SLC25A48: variants seen among roughly 807,000 people sequenced by gnomAD.
SLC25A48 encodes the protein solute carrier family 25 member 48.
Under a neutral mutation model 32.2 loss-of-function variants are expected in SLC25A48, and 29 were observed. The observed-to-expected ratio is 0.90, with a 90% CI of 0.67 to 1.23. The LOEUF (loss-of-function observed/expected upper bound fraction) is 1.23. Ranked by LOEUF, SLC25A48 falls within the 50% of genes most tolerant of loss-of-function variation. The pLI is 0.00. For synonymous variants in SLC25A48, 164 were observed against 172.3 expected (o/e 0.95, Z 0.38); for missense variants, 399 against 422.7 (o/e 0.94, Z 0.49).
In SLC25A48 at chr5:135,604,839, GA is replaced by G. The variant is rs59446160; in HGVS notation, c.-848-24397del. Among the ~76,000 whole-genome samples, 56 of 152,298 alleles carry G rather than the reference GA, an allele frequency of 3.7e-4. No individual in the cohort carries two copies. The East Asian group carries it at 8.3e-3, about 23-fold the overall frequency. ...GTCAAGAGCATGGTCTTTGGAGTCAGACTGCCAGGCGTGAACTCCAGCTCTG... is the reference window on the plus strand; with the variant it reads ...GTCAAGAGCATGGTCTTTGGAGTCAGCTGCCAGGCGTGAACTCCAGCTCTG... On this transcript the variant is annotated intron_variant, in intron 1 of 10. Coordinates refer to the SLC25A48 transcript ENST00000646290.
chr5:135,799,423 G>A (rs931576730), intron 3 of SLC25A48, among the ~76,000 whole-genome samples: 2 of 151,130 alleles, frequency 1.3e-5, no homozygotes, highest in South Asian at 2.1e-4. Context: ...TCTAATGCCC[G>A]GTGGGGGGAG....
chr5:135,615,089 C>T (rs1272859957), intron 1 of SLC25A48, among the ~76,000 whole-genome samples: 2 of 152,158 alleles, frequency 1.3e-5, no homozygotes, highest in Admixed American at 6.5e-5. Context: ...TACCCAGTCT[C>T]AGTTATTTCT....
chr5:135,677,826 C>T (rs1753806050), intron 3 of SLC25A48, among the ~76,000 whole-genome samples: 1 of 152,148 alleles, frequency 6.6e-6, no homozygotes, highest in Admixed American at 6.5e-5. Context: ...TCTTTCAGCA[C>T]TTTGACTATG....
At chr5:135,730,629 A>G (rs1287873025) in intron 3 of SLC25A48, among the ~76,000 whole-genome samples, 1 of 152,246 alleles carries the variant, frequency 6.6e-6, no homozygotes, top group Non-Finnish European at 1.5e-5. Flanking sequence ...ATGTGGAAGC[A>G]ACTTTGGAAC....
At chr5:135,585,899 T>G (rs1339319390) in intron 1 of SLC25A48, among the ~76,000 whole-genome samples, 1 of 152,238 alleles carries the variant, frequency 6.6e-6, no homozygotes, top group Non-Finnish European at 1.5e-5. Context: ...TTATGATTAT[T>G]AAATCTCGTA....
chr5:135,783,240 T>C (rs1220620305), intron 3 of SLC25A48, among the ~76,000 whole-genome samples: 2,978 of 92,858 alleles, frequency 0.032, 41 homozygotes, highest in Middle Eastern at 0.038. Flanking sequence ...CAATATCGCA[T>C]GAGGCATACA....
Position 135,888,259 on chromosome 5 carries a change from G to A in SLC25A48, c.*235G>A, listed in dbSNP as rs1157149672. 1.7e-5 allele frequency: 9 copies of A among 538,120 alleles called. No homozygotes were observed. The highest frequency in any genetic ancestry group is 2.6e-5 in the Non-Finnish European group (8 of 307,806). 33.3% of individuals were successfully genotyped at this position (538,120 alleles called of 1,614,324 possible). A position where few individuals can be genotyped will look rare whatever the true frequency, so the allele number is the denominator to read the frequency against. On this transcript the variant is annotated 3_prime_UTR_variant, in exon 8 of 8. Coordinates refer to ENST00000681962, the MANE Select transcript of SLC25A48 (RefSeq NM_001349336.2). The stretch of plus-strand genomic sequence containing the variant: ...TCCCCAATGCCCACTCTGCTAGGCT[G>A]GCATCAAAGAGCTTTCCAAGAAATG...
intron 3 of SLC25A48, among the ~76,000 whole-genome samples, chr5:135,757,643 AC>A (rs1251606482): frequency 3.3e-5 from 5 of 149,668 alleles, no homozygotes; most frequent in Admixed American, 2.0e-4. Flanking sequence ...ATTAATAAAA[AC>A]ATCTAGATGA....
chr5:135,888,083 G>A lies in SLC25A48; in HGVS notation c.*59G>A. Reference sequence around the variant, plus strand: ...TTCCCTGGGCCTCATCTCTGCATGTGAAGCCCTGAGAGCTGCAGATGTTTG... The same window carrying A: ...TTCCCTGGGCCTCATCTCTGCATGTAAAGCCCTGAGAGCTGCAGATGTTTG... On this transcript the variant is annotated 3_prime_UTR_variant, in exon 8 of 8. Transcript: ENST00000681962. 6.4e-7 allele frequency: 1 copy of A among 1,551,606 alleles called. No homozygotes were observed. The highest frequency in any genetic ancestry group is 8.7e-7 in the Non-Finnish European group (1 of 1,146,824).
chr5:135,636,358 G>T (rs1260198362), intron 3 of SLC25A48, among the ~76,000 whole-genome samples: 1 of 152,120 alleles, frequency 6.6e-6, no homozygotes, highest in Non-Finnish European at 1.5e-5. Flanking sequence ...ATGAGAGAGG[G>T]GCAGAGAATG....
chr5:135,706,321 C>G (rs991630630), intron 3 of SLC25A48, among the ~76,000 whole-genome samples: 3 of 152,172 alleles, frequency 2.0e-5, no homozygotes, highest in Non-Finnish European at 4.4e-5. Context: ...AGGTACCATA[C>G]AGCAAGAGCA....
intron 1 of SLC25A48, among the ~76,000 whole-genome samples, chr5:135,614,228 C>T (rs1434220233): frequency 1.3e-5 from 2 of 151,960 alleles, no homozygotes; most frequent in African/African-American, 4.8e-5. Flanking sequence ...TTCTTGATTT[C>T]TTTCTTAGCT....
At chr5:135,722,572 T>G (rs1754982097) in intron 3 of SLC25A48, among the ~76,000 whole-genome samples, 1 of 152,212 alleles carries the variant, frequency 6.6e-6, no homozygotes, top group South Asian at 2.1e-4. Context: ...ATGTGTGGCC[T>G]TGAATCTTAG....
intron 4 of SLC25A48, among the ~76,000 whole-genome samples, chr5:135,860,697 G>T (rs950139283): frequency 2.0e-5 from 3 of 152,286 alleles, no homozygotes; most frequent in African/African-American, 7.2e-5. Context: ...CTGCGCCCTG[G>T]GTCAGTCCCA....
At chr5:135,799,845 A>C (rs2126641309) in intron 3 of SLC25A48, among the ~76,000 whole-genome samples, 1 of 151,512 alleles carries the variant, frequency 6.6e-6, no homozygotes, top group Non-Finnish European at 1.5e-5. Flanking sequence ...AGAGTGTACA[A>C]CCCTCTTGTG....
chr5:135,681,523 A>G (rs1296530049), intron 3 of SLC25A48, among the ~76,000 whole-genome samples: 1 of 152,112 alleles, frequency 6.6e-6, no homozygotes, highest in Non-Finnish European at 1.5e-5. Flanking sequence ...TATTAATTCT[A>G]TCATCTGTAT....
intron 6 of SLC25A48, among the ~76,000 whole-genome samples, chr5:135,879,246 G>T (rs867480334): frequency 9.9e-5 from 15 of 152,132 alleles, no homozygotes; most frequent in African/African-American, 3.6e-4. Context: ...AACAAGGAGG[G>T]TGATGATGAT....
intron 1 of SLC25A48, among the ~76,000 whole-genome samples, chr5:135,593,214 C>G (rs915782153): frequency 6.6e-6 from 1 of 152,152 alleles, no homozygotes; most frequent in Non-Finnish European, 1.5e-5. Flanking sequence ...TGATGGAGTC[C>G]TCAGTGTTCT....
At chr5:135,801,413 G>A (rs1013559449) in intron 3 of SLC25A48, among the ~76,000 whole-genome samples, 1 of 150,694 alleles carries the variant, frequency 6.6e-6, no homozygotes, top group Non-Finnish European at 1.5e-5. Context: ...GTTCATAGGA[G>A]GTGTACGTCT....
Sources: allele counts gnomAD v4.1 joint callset (sites outside exome capture counted in the v4.1 genomes callset), GRCh38; gene constraint gnomAD v4.1.1; transcripts MANE v1.5; gene names NCBI Gene and HGNC (gene_info 2026-07-23, HGNC 2026-07-21).